The following GABRA4 variants were observed in gnomAD, a reference collection of about 807,000 sequenced individuals.
GABRA4 encodes gamma-aminobutyric acid type A receptor subunit alpha4.
In GABRA4, 12 loss-of-function variants were observed where a neutral mutation model predicts 49.7. The ratio of observed to expected loss-of-function variants is 0.24; its 90% CI spans 0.15 to 0.39. The LOEUF (loss-of-function observed/expected upper bound fraction) is 0.39, where lower values mean the gene tolerates loss of function less well. GABRA4 is among the 10% of genes least tolerant of loss of function. GABRA4 has a pLI of 1.00. For missense variants in GABRA4, 506 were observed against 686.0 expected, an observed-to-expected ratio of 0.74 and a Z score of 2.93; for synonymous variants, 288 against 240.2, an observed-to-expected ratio of 1.20 and a Z score of -1.84.
rs1055794224 is a variant in GABRA4 at position 46,974,942 on chromosome 4, T to C, written c.578-567A>G. Reference sequence around the variant, plus strand: ...CATTGTACAGTGACAACTGGCTATGTTGTTTGTAAAGCTGTCCAGGGAATA... The same window carrying C: ...CATTGTACAGTGACAACTGGCTATGCTGTTTGTAAAGCTGTCCAGGGAATA... On this transcript the variant is annotated intron_variant, in intron 5 of 8. Coordinates refer to ENST00000264318, the MANE Select transcript of GABRA4 (RefSeq NM_000809.4). Among the ~76,000 whole-genome samples, 11 of 151,960 alleles carry C rather than the reference T, an allele frequency of 7.2e-5. 1 individual carries two copies. Among genetic ancestry groups the C allele is most frequent in the Admixed American group, 5.9e-4 (9 of 15,228 alleles).
At chr4:46,944,695 A>G (rs1721923006) in intron 8 of GABRA4, among the ~76,000 whole-genome samples, 1 of 152,034 alleles carries the variant, frequency 6.6e-6, no homozygotes, top group African/African-American at 2.4e-5. Context: ...CCAAGATAGT[A>G]TCTAAATATT....
At chr4:46,983,028 A>G (rs1723411690) in intron 2 of GABRA4, among the ~76,000 whole-genome samples, 1 of 151,978 alleles carries the variant, frequency 6.6e-6, no homozygotes, top group Non-Finnish European at 1.5e-5. Flanking sequence ...CCCATATACT[A>G]TTTCATGTAA....
At chr4:46,942,484 A>C (rs527582297) in intron 8 of GABRA4, among the ~76,000 whole-genome samples, 1 of 151,962 alleles carries the variant, frequency 6.6e-6, no homozygotes, top group East Asian at 1.9e-4. Context: ...AATTAGCCAG[A>C]CGTGGTGGTG....
chr4:46,974,058 A>G (rs1301812759), intron 6 of GABRA4, among the ~76,000 whole-genome samples, 174 bp downstream of exon 6: 2 of 151,916 alleles, frequency 1.3e-5, no homozygotes, highest in Non-Finnish European at 2.9e-5. Context: ...ATTTTAAACT[A>G]AAGTAAGATT....
rs1721327867 is a variant in GABRA4 at position 46,928,706 on chromosome 4, T to C, written c.1184A>G (p.His395Arg). 5 of 1,613,024 alleles carry C rather than the reference T, an allele frequency of 3.1e-6. No homozygotes were observed. Among genetic ancestry groups the C allele is most frequent in the Non-Finnish European group, 4.2e-6 (5 of 1,179,352 alleles). Reference sequence around the variant, plus strand: ...TCTGTTGCCAACATCAGATTCAGAGTGAACCAAAGCATTTGTTCTTTTTCT... The same window carrying C: ...TCTGTTGCCAACATCAGATTCAGAGCGAACCAAAGCATTTGTTCTTTTTCT... ...NMRKRTNALV[H>R]SESDVGNRTE... is the part of the protein sequence containing the mutation. The change falls in exon 9 of 9, where the codon CAC becomes CGC. Residue 395 changes from histidine (H) to arginine (R), a missense_variant. By Grantham distance (29) the His-to-Arg change is conservative (BLOSUM62 0). Transcript: ENST00000264318.
chr4:46,971,030 C>G, intron 7 of GABRA4, 53 bp downstream of exon 7: 1 of 1,527,834 alleles, frequency 6.5e-7, no homozygotes, highest in Non-Finnish European at 9.0e-7. Context: ...TCCCATGAAT[C>G]ATGAATAAAA....
intron 8 of GABRA4, among the ~76,000 whole-genome samples, chr4:46,952,715 G>A (rs1217683963): frequency 6.6e-6 from 1 of 152,060 alleles, no homozygotes; most frequent in Non-Finnish European, 1.5e-5. Context: ...TGAGAACTTG[G>A]TGGAAAATAT....
chr4:46,938,525 C>T (rs1040472891), intron 8 of GABRA4, among the ~76,000 whole-genome samples: 1 of 151,986 alleles, frequency 6.6e-6, no homozygotes, highest in African/African-American at 2.4e-5. Flanking sequence ...AAGCCATGTA[C>T]CTCTGTAAAA....
chr4:46,992,666 G>C, intron 2 of GABRA4, 162 bp downstream of exon 2: 1 of 624,904 alleles, frequency 1.6e-6, no homozygotes, highest in South Asian at 2.0e-5. Flanking sequence ...GGGTGGAGGC[G>C]GTCTTCTTGT....
intron 8 of GABRA4, among the ~76,000 whole-genome samples, chr4:46,939,723 T>G (rs1466558283): frequency 6.6e-6 from 1 of 152,002 alleles, no homozygotes; most frequent in East Asian, 1.9e-4. Context: ...TGACTTACAT[T>G]TACATAGTTT....
rs570639829 is a variant in GABRA4 at position 46,948,138 on chromosome 4, C to G, written c.1134+16832G>C. ...ATATCAAGAGGCTTTTGGCTAATGT[C>G]TCTATTTTCACAGCACCCTAAAATT... On this transcript the variant is annotated intron_variant, in intron 8 of 8. Coordinates refer to ENST00000264318, the MANE Select transcript of GABRA4 (RefSeq NM_000809.4). Among the ~76,000 whole-genome samples the G allele has an allele frequency of 1.5e-3, 227 of 152,200 alleles. 1 individual carries two copies. Among genetic ancestry groups the G allele is most frequent in the Non-Finnish European group, 2.5e-3 (170 of 67,988 alleles).
At chr4:46,979,783 ACT>A (rs1162294094) in intron 2 of GABRA4, among the ~76,000 whole-genome samples, 2 of 151,944 alleles carry the variant, frequency 1.3e-5, no homozygotes. Context: ...CAGCAAAACG[ACT>A]CTCTCATGAA....
intron 5 of GABRA4, 142 bp from the exon 6 acceptor site, chr4:46,974,517 G>A (rs568713269): frequency 1.1e-5 from 8 of 759,248 alleles, no homozygotes; most frequent in African/African-American, 1.8e-5. Context: ...CTATAATTTA[G>A]TTCACTATAA....
intron 8 of GABRA4, among the ~76,000 whole-genome samples, chr4:46,939,661 C>T (rs1721726655): frequency 6.6e-6 from 1 of 151,826 alleles, no homozygotes; most frequent in African/African-American, 2.4e-5. Flanking sequence ...AAAAGTTTAT[C>T]TGAAATTTGT....
rs544890858 is a variant in GABRA4, at chr4:46,923,137, A to G, written c.*5088T>C. 3 of 152,196 alleles carry G rather than the reference A, an allele frequency of 2.0e-5. No homozygotes were observed. The highest frequency in any genetic ancestry group is 2.1e-4 in the South Asian group (1 of 4,822). The allele number at this position is 152,196 out of a possible 1,614,324, so 9.4% of individuals were successfully genotyped here. On this transcript the variant is annotated 3_prime_UTR_variant, in exon 9 of 9. Transcript: ENST00000264318. ...TGCCAAAACAGTTGGGGACTATTGTATAGAGACAAAAGGGATTTGACATAA... is the reference window on the plus strand; with the variant it reads ...TGCCAAAACAGTTGGGGACTATTGTGTAGAGACAAAAGGGATTTGACATAA...
chr4:46,993,449 C>A lies in GABRA4; in HGVS notation c.-25G>T, dbSNP rs766116799. 6.2e-7 allele frequency: 1 copy of A among 1,612,436 alleles called. No individual in the cohort carries two copies. The highest frequency in any genetic ancestry group is 8.5e-7 in the Non-Finnish European group (1 of 1,178,458). ...TCTTTGCAACATGCCATACTTCAAG[C>A]CTGTTCACGTTTCCAGGCTCTTCAG... is the stretch of plus-strand genomic sequence containing the variant. On this transcript the variant is annotated 5_prime_UTR_variant, in exon 1 of 9. Coordinates refer to ENST00000264318, the MANE Select transcript of GABRA4 (RefSeq NM_000809.4).
At chr4:46,952,900 C>T (rs1293010932) in intron 8 of GABRA4, among the ~76,000 whole-genome samples, 4 of 151,904 alleles carry the variant, frequency 2.6e-5, no homozygotes, top group Non-Finnish European at 5.9e-5. Flanking sequence ...CAAAATTTCA[C>T]CAATGGAAAT....
chr4:46,937,037 A>T (rs76400065), intron 8 of GABRA4, among the ~76,000 whole-genome samples: 1 of 152,222 alleles, frequency 6.6e-6, no homozygotes, highest in Admixed American at 6.5e-5. Context: ...AACTCTCCAC[A>T]TGACTATATT....
At chr4:46,967,800 C>T (rs922889671) in intron 7 of GABRA4, among the ~76,000 whole-genome samples, 4 of 151,548 alleles carry the variant, frequency 2.6e-5, no homozygotes, top group Non-Finnish European at 4.4e-5. Flanking sequence ...TTGGCTGGCC[C>T]AGAAGCTGAG....
Sources: gnomAD v4.1 joint callset for allele counts (sites outside exome capture counted in the v4.1 genomes callset) on GRCh38, gnomAD v4.1.1 for gene constraint, MANE v1.5 for transcripts, NCBI Gene and HGNC (gene_info 2026-07-23, HGNC 2026-07-21) for gene names.